Variants in GALNTL6 observed in about 807,000 individuals in gnomAD.
The protein encoded by GALNTL6 is polypeptide N-acetylgalactosaminyltransferase like 6.
GALNTL6 carries 46 observed loss-of-function variants against 73.7 expected under a neutral mutation model. That is an observed-to-expected ratio of 0.62 (90% CI 0.49 to 0.80). The LOEUF is 0.80. GALNTL6 is among the 30% of genes least tolerant of loss of function. The pLI is 0.00. For synonymous variants in GALNTL6, 259 were observed against 263.7 expected (o/e 0.98, Z 0.17); for missense variants, 604 against 755.0 (o/e 0.80, Z 2.34).
At chr4:172,688,976 C>T (rs1262706654) in intron 5 of GALNTL6, among the ~76,000 whole-genome samples, 1 of 29,360 alleles carries the variant, frequency 3.4e-5, no homozygotes, top group Admixed American at 3.5e-4. Flanking sequence ...AACCCAAAGT[C>T]AGCCACAATG....
At chr4:172,118,288 G>A (rs1048929373) in intron 2 of GALNTL6, among the ~76,000 whole-genome samples, 1 of 151,964 alleles carries the variant, frequency 6.6e-6, no homozygotes, top group Non-Finnish European at 1.5e-5. Context: ...AAGGCTGTAG[G>A]TTACTGTCAT....
intron 2 of GALNTL6, among the ~76,000 whole-genome samples, chr4:171,885,072 A>T (rs1736571346): frequency 6.6e-6 from 1 of 151,462 alleles, no homozygotes; most frequent in African/African-American, 2.4e-5. Flanking sequence ...AAAAGAAAAG[A>T]AAAGAAAAAG....
At chr4:172,596,998 G>A (rs1279369193) in intron 5 of GALNTL6, among the ~76,000 whole-genome samples, 1 of 152,032 alleles carries the variant, frequency 6.6e-6, no homozygotes, top group Non-Finnish European at 1.5e-5. Context: ...AGTAATTTGA[G>A]GGAAATGTAT....
intron 10 of GALNTL6, among the ~76,000 whole-genome samples, chr4:172,998,157 C>T (rs1751880627): frequency 6.6e-6 from 1 of 152,160 alleles, no homozygotes; most frequent in South Asian, 2.1e-4. Context: ...TCTCTGCAGG[C>T]ATAATTTGAA....
At chr4:172,331,915 G>T (rs1381891339) in intron 4 of GALNTL6, among the ~76,000 whole-genome samples, 1 of 152,068 alleles carries the variant, frequency 6.6e-6, no homozygotes, top group African/African-American at 2.4e-5. Context: ...TCATATTTTA[G>T]TACTATTATT....
intron 2 of GALNTL6, among the ~76,000 whole-genome samples, chr4:172,144,354 T>C (rs183005698): frequency 6.6e-6 from 1 of 152,342 alleles, no homozygotes; most frequent in East Asian, 1.9e-4. Flanking sequence ...GATAATTTAC[T>C]AAATCCAGGT....
intron 2 of GALNTL6, among the ~76,000 whole-genome samples, chr4:172,180,495 T>C (rs1253621801): frequency 6.6e-6 from 1 of 152,204 alleles, no homozygotes; most frequent in Non-Finnish European, 1.5e-5. Context: ...GCCATTGCTT[T>C]TGGTGTGTTA....
rs77074150 is a variant in GALNTL6 at position 172,104,831 on chromosome 4, C to G, written c.139-124825C>G. Among the ~76,000 whole-genome samples, 1,039 of 152,222 alleles carry G rather than the reference C, an allele frequency of 6.8e-3. 16 individuals are homozygous for G. Among genetic ancestry groups the G allele is most frequent in the African/African-American group, 0.023 (956 of 41,532 alleles). On this transcript the variant is annotated intron_variant, in intron 2 of 12. Transcript: ENST00000506823. ...ATACTACCTTGAAACGTAGAAAACT[C>G]ATGCTGAAAATAGGTCCAGAACAGT...
chr4:171,819,357 A>C (rs1734623599), intron 2 of GALNTL6, among the ~76,000 whole-genome samples: 1 of 152,168 alleles, frequency 6.6e-6, no homozygotes, highest in Non-Finnish European at 1.5e-5. Flanking sequence ...ACATTGCCCC[A>C]TGGGAGACAG....
chr4:172,260,963 G>A (rs1445832432), intron 3 of GALNTL6, among the ~76,000 whole-genome samples: 5 of 151,376 alleles, frequency 3.3e-5, no homozygotes, highest in East Asian at 1.9e-4. Flanking sequence ...CCACTTGATC[G>A]TGGTGTATTA....
At chr4:172,036,484 G>A (rs1215523820) in intron 2 of GALNTL6, among the ~76,000 whole-genome samples, 2 of 152,108 alleles carry the variant, frequency 1.3e-5, no homozygotes, top group African/African-American at 4.8e-5. Context: ...TGAGCTGGAA[G>A]AACCAATAGC....
rs1352207509 is a variant in GALNTL6, at chr4:172,828,127, C to T, written c.923+14404C>T. On this transcript the variant is annotated intron_variant, in intron 7 of 12. Transcript: ENST00000506823. ...TCTCTACTAAAAATACAAAAATTCA[C>T]CAGGCATAGTGGCAGGCACCTGTAA... 6.6e-5 allele frequency among the ~76,000 whole-genome samples: 10 copies of T among 151,870 alleles called. No individual in the cohort carries two copies. The East Asian group carries it at 1.9e-3, about 29-fold the overall frequency.
At chr4:172,757,662 G>A (rs185354656) in intron 5 of GALNTL6, among the ~76,000 whole-genome samples, 19 of 152,194 alleles carry the variant, frequency 1.2e-4, no homozygotes, top group African/African-American at 4.3e-4. Flanking sequence ...GGACATCCAC[G>A]AACTAATTAG....
At chr4:172,709,554 G>T (rs575033271) in intron 5 of GALNTL6, among the ~76,000 whole-genome samples, 210 of 152,238 alleles carry the variant, frequency 1.4e-3, no homozygotes, top group African/African-American at 4.9e-3. Flanking sequence ...CTGTCAGCAG[G>T]TGAGCTTTGT....
chr4:172,215,475 C>A (rs752223310), intron 2 of GALNTL6, among the ~76,000 whole-genome samples: 19 of 152,078 alleles, frequency 1.2e-4, no homozygotes, highest in Non-Finnish European at 2.1e-4. Flanking sequence ...ACCAGTTTAT[C>A]ATTTTAATCT....
intron 2 of GALNTL6, among the ~76,000 whole-genome samples, chr4:171,922,085 T>G (rs1038122271): frequency 6.6e-6 from 1 of 151,954 alleles, no homozygotes; most frequent in African/African-American, 2.4e-5. Flanking sequence ...TGTGTGTGTG[T>G]GTGTGTGGTG....
In GALNTL6 at chr4:172,577,968, T is replaced by G. The variant is rs917010299; in HGVS notation, c.553+229279T>G. 6.6e-5 allele frequency among the ~76,000 whole-genome samples: 10 copies of G among 152,250 alleles called. No homozygotes were observed. The South Asian group carries it at 2.1e-3, about 32-fold the overall frequency. On this transcript the variant is annotated intron_variant, in intron 5 of 12. Transcript: ENST00000506823. ...CTTTGAGTCTGGGGAAATGAGAAAG[T>G]AGACTGGGGATAATGATGACAATCA...
intron 5 of GALNTL6, among the ~76,000 whole-genome samples, chr4:172,550,002 T>C (rs745372076): frequency 6.6e-6 from 1 of 152,210 alleles, no homozygotes; most frequent in Non-Finnish European, 1.5e-5. Flanking sequence ...ACTGGATAGT[T>C]TTCCACAGTA....
intron 5 of GALNTL6, among the ~76,000 whole-genome samples, chr4:172,418,198 A>G (rs1730914396): frequency 6.6e-6 from 1 of 152,196 alleles, no homozygotes; most frequent in East Asian, 1.9e-4. Context: ...TAAAATTTAA[A>G]AAGTAAAACT....
Sources: allele counts gnomAD v4.1 joint callset (sites outside exome capture counted in the v4.1 genomes callset), GRCh38; gene constraint gnomAD v4.1.1; transcripts MANE v1.5; gene names NCBI Gene and HGNC (gene_info 2026-07-23, HGNC 2026-07-21).